MYO9A: variants seen among roughly 807,000 people sequenced by gnomAD.
The protein encoded by MYO9A is myosin IXA, also known as unconventional myosin-IXa.
MYO9A carries 103 observed loss-of-function variants against 293.3 expected under a neutral mutation model. The ratio of observed to expected loss-of-function variants is 0.35; its 90% CI spans 0.30 to 0.41. MYO9A has a LOEUF of 0.41. Among genes scored for constraint, MYO9A ranks in the 10% least tolerant of loss-of-function variants. The pLI is 1.00. For missense variants in MYO9A, 2,685 were observed against 3,033.0 expected (o/e 0.89, Z 2.69); for synonymous variants, 1,001 against 1,035.7 (o/e 0.97, Z 0.64).
At chr15:71,848,587 G>T (rs1246139612) in intron 39 of MYO9A, among the ~76,000 whole-genome samples, 1 of 152,126 alleles carries the variant, frequency 6.6e-6, no homozygotes, top group Non-Finnish European at 1.5e-5. Context: ...AAGCAAGGCA[G>T]ATTATTAAGA....
chr15:72,010,671 C>G (rs2077146498), intron 6 of MYO9A, among the ~76,000 whole-genome samples: 1 of 152,086 alleles, frequency 6.6e-6, no homozygotes. Flanking sequence ...CTTTTGTTCT[C>G]CCTTTCACAA....
chr15:71,934,786 CTTTTTTT>C (rs1167613386), intron 17 of MYO9A, among the ~76,000 whole-genome samples: 94 of 61,806 alleles, frequency 1.5e-3, no homozygotes, highest in African/African-American at 2.6e-3. Context: ...CTTTTCTTTT[CTTTTTTT>C]TTTTTTTTTT....
chr15:71,911,427 T>A (rs2057847481), intron 19 of MYO9A, among the ~76,000 whole-genome samples: 1 of 152,178 alleles, frequency 6.6e-6, no homozygotes, highest in South Asian at 2.1e-4. Flanking sequence ...GTTAGAAGAC[T>A]CCTAGGGAAG....
intron 19 of MYO9A, among the ~76,000 whole-genome samples, chr15:71,913,221 C>T (rs1005396203): frequency 3.3e-5 from 5 of 152,130 alleles, no homozygotes; most frequent in African/African-American, 9.7e-5. Context: ...AAATGTACTA[C>T]TTCTGAACTG....
intron 8 of MYO9A, among the ~76,000 whole-genome samples, chr15:72,003,487 G>A (rs2076930126): frequency 2.0e-5 from 3 of 151,730 alleles, no homozygotes; most frequent in Non-Finnish European, 1.5e-5. Context: ...ACAAGGTCAG[G>A]AGATCGAGAC....
In MYO9A at chr15:71,959,753, AAG is replaced by A. The variant is rs369577408; in HGVS notation, c.2182+146_2182+147del. ...AACTGTTCATAGTCACAAATCAGTT[AAG>A]AGATGACACTAGATTGACTACAGAA... On this transcript the variant is annotated intron_variant, in intron 14 of 41. Coordinates refer to ENST00000356056, the MANE Select transcript of MYO9A (RefSeq NM_006901.4). 287 of 665,306 alleles carry A rather than the reference AAG, an allele frequency of 4.3e-4. No homozygotes were observed. In the African/African-American group the frequency reaches 4.4e-3, roughly 10 times the overall value. 41.2% of individuals were successfully genotyped at this position (665,306 alleles called of 1,614,324 possible). A position where few individuals can be genotyped will look rare whatever the true frequency, so the allele number is the denominator to read the frequency against.
At chr15:71,830,381 T>C in intron 39 of MYO9A, 70 bp from the exon 40 acceptor site, 1 of 1,411,560 alleles carries the variant, frequency 7.1e-7, no homozygotes, top group East Asian at 2.3e-5. Context: ...TCTTTTAGGA[T>C]AACAAGTGTA....
intron 16 of MYO9A, among the ~76,000 whole-genome samples, 167 bp from the exon 17 acceptor site, chr15:71,935,651 G>A (rs1337942503): frequency 5.3e-5 from 8 of 152,036 alleles, no homozygotes; most frequent in South Asian, 2.1e-4. Flanking sequence ...GGGACTAACC[G>A]TTGTCTCATT....
chr15:72,084,589 T>G (rs2079655345), intron 1 of MYO9A, among the ~76,000 whole-genome samples: 1 of 152,234 alleles, frequency 6.6e-6, no homozygotes, highest in African/African-American at 2.4e-5. Context: ...TCAGTGTGTT[T>G]GTGTAGTGGC....
chr15:72,056,048 C>G (rs186806997), intron 1 of MYO9A, among the ~76,000 whole-genome samples: 1 of 152,038 alleles, frequency 6.6e-6, no homozygotes, highest in African/African-American at 2.4e-5. Flanking sequence ...ACCAACATGG[C>G]GAAACCCCAT....
At chr15:71,949,985 G>C (rs1229896249) in intron 15 of MYO9A, among the ~76,000 whole-genome samples, 1 of 151,764 alleles carries the variant, frequency 6.6e-6, no homozygotes, top group African/African-American at 2.4e-5. Context: ...GCCTACTTTT[G>C]GTCTTTTTCC....
intron 12 of MYO9A, among the ~76,000 whole-genome samples, chr15:71,970,329 T>C (rs1443780653): frequency 2.0e-5 from 3 of 152,102 alleles, no homozygotes; most frequent in African/African-American, 7.2e-5. Context: ...CCCCATAACA[T>C]ACAGCCATTA....
At chr15:72,069,347 G>A (rs2079112304) in intron 1 of MYO9A, among the ~76,000 whole-genome samples, 1 of 152,094 alleles carries the variant, frequency 6.6e-6, no homozygotes, top group Non-Finnish European at 1.5e-5. Flanking sequence ...GTGCATATTT[G>A]ATAGTCTCCC....
At chr15:71,868,557 T>A (rs1410546148) in intron 32 of MYO9A, among the ~76,000 whole-genome samples, 3 of 152,186 alleles carry the variant, frequency 2.0e-5, no homozygotes, top group Non-Finnish European at 1.5e-5. Context: ...CCAGATTATG[T>A]GTGAATGAAT....
chr15:72,056,918 TAGCCAACATGGTGA>T (rs1211446268), intron 1 of MYO9A, among the ~76,000 whole-genome samples: 1 of 152,176 alleles, frequency 6.6e-6, no homozygotes, highest in Non-Finnish European at 1.5e-5. Context: ...AAGACCAGCC[TAGCCAACATGGTGA>T]AACGCTGTCT....
intron 11 of MYO9A, among the ~76,000 whole-genome samples, chr15:71,984,079 G>A (rs537386033): frequency 2.4e-4 from 37 of 152,300 alleles, no homozygotes; most frequent in African/African-American, 8.7e-4. Context: ...GGGTGAAACT[G>A]TCATAATTTC....
At chr15:71,963,305 G>A (rs533489836) in intron 13 of MYO9A, among the ~76,000 whole-genome samples, 71 of 152,162 alleles carry the variant, frequency 4.7e-4, no homozygotes, top group Admixed American at 7.9e-4. Flanking sequence ...GGCTGATCTC[G>A]AACTCCAGGA....
At chr15:72,024,033 T>C (rs954092482) in intron 4 of MYO9A, among the ~76,000 whole-genome samples, 2 of 151,752 alleles carry the variant, frequency 1.3e-5, no homozygotes, top group African/African-American at 4.8e-5. Flanking sequence ...ATTCAAAACG[T>C]TGAAAGGAAA....
chr15:72,006,071 T>C (rs879651982), intron 8 of MYO9A, among the ~76,000 whole-genome samples: 3 of 152,084 alleles, frequency 2.0e-5, no homozygotes, highest in African/African-American at 4.8e-5. Context: ...CAGAAAGACA[T>C]GAATGAATCT....
Sources: allele counts gnomAD v4.1 joint callset (sites outside exome capture counted in the v4.1 genomes callset), GRCh38; gene constraint gnomAD v4.1.1; transcripts MANE v1.5; gene names NCBI Gene and HGNC (gene_info 2026-07-23, HGNC 2026-07-21).